Variants in CLOCK observed in about 807,000 individuals in gnomAD.
CLOCK encodes the protein clock circadian regulator.
A neutral mutation model predicts 118.4 loss-of-function variants in CLOCK; 43 were observed. That is an observed-to-expected ratio of 0.36 (90% CI 0.28 to 0.47). CLOCK has a LOEUF of 0.47. Ranked by LOEUF, CLOCK falls within the 20% of genes least tolerant of loss-of-function variation. The pLI, the probability that CLOCK is intolerant of heterozygous loss-of-function variation, is 1.00. For synonymous variants in CLOCK, 326 were observed against 339.2 expected (o/e 0.96, Z 0.43); for missense variants, 846 against 999.9 (o/e 0.85, Z 2.08).
At chr4:55,474,101 G>A (rs1382395833) in intron 7 of CLOCK, among the ~76,000 whole-genome samples, 1 of 152,198 alleles carries the variant, frequency 6.6e-6, no homozygotes, top group Non-Finnish European at 1.5e-5. Context: ...CAGGCCAAAA[G>A]CTAGACCTCT....
intron 1 of CLOCK, among the ~76,000 whole-genome samples, chr4:55,521,795 T>G (rs1729861670): frequency 6.6e-6 from 1 of 152,196 alleles, no homozygotes; most frequent in Non-Finnish European, 1.5e-5. Flanking sequence ...TATATTGATT[T>G]GTGTCCATAT....
rs1049601092 is a variant in CLOCK at position 55,489,448 on chromosome 4, A to T, written c.-118T>A. The stretch of plus-strand genomic sequence containing the variant: ...TTCAAGGTACTCTTCTATATGACCA[A>T]CCATAAGTCTCAGAATTCTGTTTAA... On this transcript the variant is annotated 5_prime_UTR_variant, in exon 3 of 23. In the 5' UTR this introduces an upstream ATG that the reference lacks. Coordinates refer to ENST00000513440, the MANE Select transcript of CLOCK (RefSeq NM_004898.4). 2.0e-5 allele frequency: 3 copies of T among 152,154 alleles called. No homozygotes were observed. The highest frequency in any genetic ancestry group is 7.2e-5 in the African/African-American group (3 of 41,436). 9.4% of individuals were successfully genotyped at this position (152,154 alleles called of 1,614,324 possible). A position where few individuals can be genotyped will look rare whatever the true frequency, so the allele number is the denominator to read the frequency against.
At chr4:55,544,633 C>G (rs757507287) in intron 1 of CLOCK, among the ~76,000 whole-genome samples, 1 of 152,112 alleles carries the variant, frequency 6.6e-6, no homozygotes, top group Non-Finnish European at 1.5e-5. Context: ...GAAAATGACT[C>G]AAATCACCAT....
intron 1 of CLOCK, among the ~76,000 whole-genome samples, chr4:55,544,149 T>A (rs1443931074): frequency 1.5e-5 from 2 of 135,730 alleles, no homozygotes; most frequent in African/African-American, 5.6e-5. Context: ...TTGTACACTT[T>A]CATGAGAAAC....
chr4:55,529,858 T>C lies in CLOCK; in HGVS notation c.-290+16924A>G, dbSNP rs1243346717. Among the ~76,000 whole-genome samples the C allele has an allele frequency of 5.3e-5, 8 of 152,316 alleles. No homozygotes were observed. The South Asian group carries it at 8.3e-4, about 16-fold the overall frequency. On this transcript the variant is annotated intron_variant, in intron 1 of 22. Transcript: ENST00000513440. ...TATCCTGTGTTGTCTCTTGAAATGA[T>C]ACCAGCAGAAAATAAGCAAAAGCTA... is the stretch of plus-strand genomic sequence containing the variant.
chr4:55,517,338 G>A (rs780146276), intron 1 of CLOCK, among the ~76,000 whole-genome samples: 5 of 152,036 alleles, frequency 3.3e-5, no homozygotes, highest in Non-Finnish European at 5.9e-5. Context: ...GTGAAACCCT[G>A]TCTCTACTAA....
chr4:55,510,896 A>G (rs992367481), intron 1 of CLOCK, among the ~76,000 whole-genome samples: 6 of 152,144 alleles, frequency 3.9e-5, no homozygotes, highest in African/African-American at 1.4e-4. Context: ...AAGAAAGCAA[A>G]AGGTGAAGCA....
Position 55,438,454 on chromosome 4 carries a change from A to C in CLOCK, c.2189T>G (p.Leu730Arg). Reference protein sequence around the residue: ...CGAVMVPSTMLMGQVVTAYPT... With the variant: ...CGAVMVPSTMRMGQVVTAYPT... ...ATATGCAGTCACCACCTGGCCCATA[A>C]GCATAGTACTAGGTACCATGACTGC... The change falls in exon 22 of 23, where the codon CTT becomes CGT. Residue 730 changes from leucine to arginine, a missense_variant. By Grantham distance (102) the Leu-to-Arg change is moderately radical. Coordinates refer to ENST00000513440, the MANE Select transcript of CLOCK (RefSeq NM_004898.4). 1.2e-6 allele frequency: 2 copies of C among 1,613,930 alleles called. No homozygotes were observed. Among genetic ancestry groups the C allele is most frequent in the Non-Finnish European group, 1.7e-6 (2 of 1,180,002 alleles).
At chr4:55,435,770 C>T (rs1722832378) in intron 22 of CLOCK, among the ~76,000 whole-genome samples, 176 bp from the exon 23 acceptor site, 1 of 152,144 alleles carries the variant, frequency 6.6e-6, no homozygotes, top group Non-Finnish European at 1.5e-5. Context: ...TGAGGCCTTC[C>T]CTCTTTCTGA....
intron 2 of CLOCK, among the ~76,000 whole-genome samples, chr4:55,503,290 G>A (rs1463006295): frequency 8.5e-5 from 13 of 152,138 alleles, no homozygotes. Context: ...TCCATACAAT[G>A]AAGTATTTCA....
intron 2 of CLOCK, among the ~76,000 whole-genome samples, chr4:55,495,487 T>A (rs1728005673): frequency 6.6e-6 from 1 of 152,118 alleles, no homozygotes; most frequent in African/African-American, 2.4e-5. Flanking sequence ...TAACTCACTG[T>A]CATTTCTGAA....
At position 55,534,929 on chromosome 4, in the gene CLOCK, A is replaced by AT. The variant is rs34133453; in HGVS notation, c.-290+11852dup. 7.1e-3 allele frequency among the ~76,000 whole-genome samples: 957 copies of AT among 134,224 alleles called. 8 individuals are homozygous for AT. Among genetic ancestry groups the AT allele is most frequent in the African/African-American group, 0.014 (521 of 36,268 alleles). The allele number at this position is 134,224 out of a possible 152,430, so 88.1% of individuals were successfully genotyped here. On this transcript the variant is annotated intron_variant, in intron 1 of 22. Transcript: ENST00000513440. Reference sequence around the variant, plus strand: ...GCAGCCTTTTCTGTATAAAGTGAGAATTTTTTTTTTTTTTTTTTTGAGACA... The same window carrying AT: ...GCAGCCTTTTCTGTATAAAGTGAGAATTTTTTTTTTTTTTTTTTTTGAGACA...
intron 3 of CLOCK, among the ~76,000 whole-genome samples, chr4:55,487,404 A>G (rs1727366050): frequency 6.6e-6 from 1 of 152,214 alleles, no homozygotes; most frequent in African/African-American, 2.4e-5. Flanking sequence ...TCTTTGGGGA[A>G]TTCTCAATGT....
At chr4:55,471,407 A>G (rs975269714) in intron 7 of CLOCK, among the ~76,000 whole-genome samples, 18 of 152,316 alleles carry the variant, frequency 1.2e-4, no homozygotes, top group African/African-American at 4.3e-4. Context: ...CTGTGCTTCA[A>G]TAAGAGTAGT....
intron 8 of CLOCK, among the ~76,000 whole-genome samples, chr4:55,464,329 T>C (rs1330744936): frequency 2.0e-5 from 3 of 152,356 alleles, no homozygotes; most frequent in African/African-American, 7.2e-5. Flanking sequence ...ACAACTAATA[T>C]GTTAAGCATT....
At chr4:55,474,920 T>C (rs187959072) in intron 7 of CLOCK, among the ~76,000 whole-genome samples, 13 of 152,246 alleles carry the variant, frequency 8.5e-5, no homozygotes, top group Non-Finnish European at 1.6e-4. Flanking sequence ...GTTGTTTTCA[T>C]GCCTGCTAAC....
intron 22 of CLOCK, among the ~76,000 whole-genome samples, 157 bp from the exon 23 acceptor site, chr4:55,435,751 A>C (rs367774018): frequency 1.3e-5 from 2 of 152,314 alleles, no homozygotes; most frequent in East Asian, 3.9e-4. Context: ...CTAATTTGGA[A>C]AATGCTTATG....
intron 19 of CLOCK, 30 bp downstream of exon 19, chr4:55,444,603 G>A: frequency 3.1e-6 from 5 of 1,613,540 alleles, no homozygotes; most frequent in Non-Finnish European, 3.4e-6. Flanking sequence ...TGAATGGGAT[G>A]CTTTGTTTGT....
intron 2 of CLOCK, among the ~76,000 whole-genome samples, chr4:55,497,075 C>T (rs1325941075): frequency 6.6e-6 from 1 of 152,138 alleles, no homozygotes; most frequent in Non-Finnish European, 1.5e-5. Flanking sequence ...AATTTACTAT[C>T]TTACAGTTCT....
Sources: gnomAD v4.1 joint callset for allele counts (sites outside exome capture counted in the v4.1 genomes callset) on GRCh38, gnomAD v4.1.1 for gene constraint, MANE v1.5 for transcripts, NCBI Gene and HGNC (gene_info 2026-07-23, HGNC 2026-07-21) for gene names.